FRMD6: variants seen among roughly 807,000 people sequenced by gnomAD.
The protein encoded by FRMD6 is FERM domain-containing protein 6.
FRMD6 carries 37 observed loss-of-function variants against 73.2 expected under a neutral mutation model. The ratio of observed to expected loss-of-function variants is 0.51; its 90% CI spans 0.39 to 0.66. FRMD6 has a LOEUF of 0.66. Among genes scored for constraint, FRMD6 ranks in the 30% least tolerant of loss-of-function variants. FRMD6 has a pLI of 0.00. For synonymous variants in FRMD6, 273 were observed against 282.2 expected (o/e 0.97, Z 0.33); for missense variants, 714 against 780.5 (o/e 0.91, Z 1.02).
At chr14:51,572,730 C>T (rs945569510) in intron 2 of FRMD6, among the ~76,000 whole-genome samples, 4 of 152,152 alleles carry the variant, frequency 2.6e-5, no homozygotes, top group African/African-American at 9.7e-5. Context: ...TTATTAAAAA[C>T]GAATGCCTAA....
chr14:51,670,932 C>T (rs1001879482), intron 1 of FRMD6, among the ~76,000 whole-genome samples: 2 of 152,320 alleles, frequency 1.3e-5, no homozygotes, highest in African/African-American at 4.8e-5. Flanking sequence ...CAGGCGTGGG[C>T]CACCGTGCCC....
At chr14:51,566,873 G>A (rs185281954) in intron 1 of FRMD6, among the ~76,000 whole-genome samples, 1 of 152,364 alleles carries the variant, frequency 6.6e-6, no homozygotes, top group East Asian at 1.9e-4. Flanking sequence ...TGGACTGAGA[G>A]GGCAGGATCG....
intron 1 of FRMD6, among the ~76,000 whole-genome samples, chr14:51,497,851 G>A (rs569704641): frequency 6.6e-6 from 1 of 152,142 alleles, no homozygotes; most frequent in Non-Finnish European, 1.5e-5. Flanking sequence ...GATATTTTGG[G>A]ATGAGGCTTC....
intron 1 of FRMD6, among the ~76,000 whole-genome samples, chr14:51,519,964 C>T (rs1438749622): frequency 2.0e-5 from 3 of 152,120 alleles, no homozygotes; most frequent in Non-Finnish European, 4.4e-5. Flanking sequence ...TATGGATGTA[C>T]CCATTGTGCC....
At chr14:51,699,541 A>T (rs1240246246) in intron 3 of FRMD6, among the ~76,000 whole-genome samples, 3 of 152,112 alleles carry the variant, frequency 2.0e-5, no homozygotes, top group Non-Finnish European at 4.4e-5. Flanking sequence ...TGGCGAAAGA[A>T]CATTGAAACA....
chr14:51,514,563 T>C (rs920385766), intron 1 of FRMD6, among the ~76,000 whole-genome samples: 2 of 152,130 alleles, frequency 1.3e-5, no homozygotes, highest in Admixed American at 6.6e-5. Context: ...AAGACTACAA[T>C]TGGGCCAGGT....
chr14:51,645,956 G>GA (rs1892047186), intron 2 of FRMD6, among the ~76,000 whole-genome samples: 1 of 152,094 alleles, frequency 6.6e-6, no homozygotes, highest in African/African-American at 2.4e-5. Context: ...TGCGTATTCT[G>GA]AAAGACAGAT....
the FRMD6 span, among the ~76,000 whole-genome samples, chr14:51,398,092 A>G: frequency 6.6e-6 from 1 of 152,202 alleles, no homozygotes; most frequent in Non-Finnish European, 1.5e-5. Flanking sequence ...TCTTAGGAGA[A>G]AGTTGTTATA....
At chr14:51,434,677 C>A in the FRMD6 span, among the ~76,000 whole-genome samples, 1 of 151,796 alleles carries the variant, frequency 6.6e-6, no homozygotes, top group East Asian at 1.9e-4. Flanking sequence ...AGATAAGAAC[C>A]ATCATTGGGC....
chr14:51,599,141 A>G (rs936851077), intron 2 of FRMD6, among the ~76,000 whole-genome samples: 1 of 123,642 alleles, frequency 8.1e-6, no homozygotes. Flanking sequence ...TTTGCTTTGC[A>G]TTTCTCTGAT....
At position 51,727,909 on chromosome 14, in the gene FRMD6, T is replaced by C. The variant is rs199566439; in HGVS notation, c.1749T>C (p.Tyr583=). The C allele has an allele frequency of 4.1e-5, 66 of 1,614,086 alleles. No individual in the cohort carries two copies. The highest frequency in any genetic ancestry group is 5.4e-5 in the Non-Finnish European group (64 of 1,180,028). ...CGHELDEEGL[Y]CNSCLAQQCI... is the part of the protein sequence containing the mutation. Reference sequence around the variant, plus strand: ...ATGAACTGGATGAGGAAGGCCTCTATTGCAACAGTTGCTTGGCCCAGCAGT... The same window carrying C: ...ATGAACTGGATGAGGAAGGCCTCTACTGCAACAGTTGCTTGGCCCAGCAGT... Residue 583 remains tyrosine, a synonymous_variant, in exon 14 of 14, where the codon TAT becomes TAC. Coordinates refer to ENST00000344768, the MANE Select transcript of FRMD6 (RefSeq NM_001267046.2).
chr14:51,698,932 A>G lies in FRMD6; in HGVS notation c.190+700A>G, dbSNP rs943961799. Among the ~76,000 whole-genome samples the G allele has an allele frequency of 5.3e-5, 8 of 152,060 alleles. No homozygotes were observed. The East Asian group carries it at 7.7e-4, about 15-fold the overall frequency. On this transcript the variant is annotated intron_variant, in intron 3 of 13. Transcript: ENST00000344768. ...AAATTTCTCTAATTTAGTCTTCTAT[A>G]TATCTTTGCTCATTTTGTCAAGAAG...
In FRMD6 at chr14:51,711,543, A is replaced by G. The variant is rs772095727; in HGVS notation, c.727A>G (p.Ile243Val). ...YYRLYKDKRE[I>V]EASLTLGLTM... ...CCTATTCCTACAGGATAAAAGGGAA[A>G]TTGAAGCATCGCTGACTCTTGGATT... Residue 243 changes from isoleucine (I) to valine (V), a missense_variant, in exon 8 of 14, where the codon ATT becomes GTT. Ile to Val is a conservative substitution (Grantham distance 29, BLOSUM62 3). Transcript: ENST00000344768. 1.9e-6 allele frequency: 3 copies of G among 1,603,838 alleles called. No individual in the cohort carries two copies. Among genetic ancestry groups the G allele is most frequent in the Admixed American group, 3.3e-5 (2 of 59,956 alleles).
At chr14:51,439,435 G>T in the FRMD6 span, among the ~76,000 whole-genome samples, 1 of 151,972 alleles carries the variant, frequency 6.6e-6, no homozygotes, top group Non-Finnish European at 1.5e-5. Context: ...TGCATGCAAG[G>T]CTCTTTGCTT....
intron 1 of FRMD6, among the ~76,000 whole-genome samples, chr14:51,549,903 T>C (rs1886711814): frequency 6.6e-6 from 1 of 151,900 alleles, no homozygotes. Flanking sequence ...CCAGCTGGAG[T>C]ATAAACCTTT....
intron 1 of FRMD6, among the ~76,000 whole-genome samples, chr14:51,685,024 G>A (rs187058046): frequency 1.2e-3 from 181 of 152,238 alleles, no homozygotes; most frequent in Non-Finnish European, 2.1e-3. Flanking sequence ...CCAGATCCAG[G>A]GAGAGGGGAA....
intron 2 of FRMD6, among the ~76,000 whole-genome samples, chr14:51,607,921 T>C (rs573490038): frequency 1.4e-4 from 21 of 152,346 alleles, no homozygotes; most frequent in African/African-American, 4.8e-4. Flanking sequence ...TGCTTTGCAG[T>C]GTGTCTGGGC....
chr14:51,543,441 G>T (rs1886301832), intron 1 of FRMD6, among the ~76,000 whole-genome samples: 1 of 152,078 alleles, frequency 6.6e-6, no homozygotes, highest in South Asian at 2.1e-4. Context: ...AAATTGTTTA[G>T]CTATCATGAC....
At chr14:51,590,218 C>T (rs1198279461) in intron 2 of FRMD6, among the ~76,000 whole-genome samples, 3 of 152,206 alleles carry the variant, frequency 2.0e-5, no homozygotes, top group Middle Eastern at 3.4e-3. Context: ...AAGGACTCTC[C>T]GAGAGTGTCA....
Sources: gnomAD v4.1 joint callset for allele counts (sites outside exome capture counted in the v4.1 genomes callset) on GRCh38, gnomAD v4.1.1 for gene constraint, MANE v1.5 for transcripts, NCBI Gene and HGNC (gene_info 2026-07-23, HGNC 2026-07-21) for gene names.